The following ASAP1 variants were observed in gnomAD, a reference collection of about 807,000 sequenced individuals.
The protein encoded by ASAP1 is arf-GAP with SH3 domain, ANK repeat and PH domain-containing protein 1.
Under a neutral mutation model 145.2 loss-of-function variants are expected in ASAP1, and 43 were observed. The observed-to-expected ratio is 0.30, with a 90% CI of 0.23 to 0.38. The LOEUF (loss-of-function observed/expected upper bound fraction) is 0.38. ASAP1 is among the 10% of genes least tolerant of loss of function. The pLI, the probability that ASAP1 is intolerant of heterozygous loss-of-function variation, is 1.00. For synonymous variants in ASAP1, 546 were observed against 515.5 expected (o/e 1.06, Z -0.80); for missense variants, 1,018 against 1,355.3 (o/e 0.75, Z 3.91).
At chr8:130,245,517 A>G (rs1198320849) in intron 3 of ASAP1, among the ~76,000 whole-genome samples, 1 of 152,142 alleles carries the variant, frequency 6.6e-6, no homozygotes, top group Non-Finnish European at 1.5e-5. Context: ...TTCGACCAAT[A>G]TCTCCTAAAC....
chr8:130,407,796 G>C (rs1295328632), intron 1 of ASAP1, among the ~76,000 whole-genome samples: 1 of 152,126 alleles, frequency 6.6e-6, no homozygotes, highest in East Asian at 1.9e-4. Context: ...TCCTCAAATA[G>C]GTGTTTTTTA....
At chr8:130,389,053 A>G (rs1828153042) in intron 2 of ASAP1, among the ~76,000 whole-genome samples, 1 of 152,224 alleles carries the variant, frequency 6.6e-6, no homozygotes, top group African/African-American at 2.4e-5. Flanking sequence ...GAGTTAATAA[A>G]CAGCAAGTGC....
At chr8:130,208,067 G>A (rs1816337635) in intron 5 of ASAP1, among the ~76,000 whole-genome samples, 1 of 152,032 alleles carries the variant, frequency 6.6e-6, no homozygotes, top group Non-Finnish European at 1.5e-5. Flanking sequence ...TAATTTGATA[G>A]GTTATACTTT....
intron 4 of ASAP1, among the ~76,000 whole-genome samples, chr8:130,217,343 C>G (rs1449883348): frequency 6.6e-6 from 1 of 151,748 alleles, no homozygotes; most frequent in Non-Finnish European, 1.5e-5. Flanking sequence ...AAAGGCTTTA[C>G]AATAAATTAC....
At chr8:130,417,671 T>C (rs1218577488) in intron 1 of ASAP1, among the ~76,000 whole-genome samples, 1 of 150,226 alleles carries the variant, frequency 6.7e-6, no homozygotes, top group African/African-American at 2.5e-5. Flanking sequence ...AACTGACAAG[T>C]CCAGGAAGGA....
At chr8:130,329,641 C>CTTCAGG (rs2137771850) in intron 3 of ASAP1, among the ~76,000 whole-genome samples, 1 of 152,302 alleles carries the variant, frequency 6.6e-6, no homozygotes, top group Admixed American at 6.5e-5. Context: ...CAACTAAACA[C>CTTCAGG]TTCAGGTATT....
At chr8:130,342,422 C>T (rs1472339402) in intron 3 of ASAP1, among the ~76,000 whole-genome samples, 1 of 152,164 alleles carries the variant, frequency 6.6e-6, no homozygotes, top group African/African-American at 2.4e-5. Context: ...GCATGAAACC[C>T]AGCACATTCT....
At chr8:130,110,176 C>T (rs916744015) in intron 24 of ASAP1, among the ~76,000 whole-genome samples, 1 of 152,120 alleles carries the variant, frequency 6.6e-6, no homozygotes, top group African/African-American at 2.4e-5. Flanking sequence ...CTGTTGTCCC[C>T]CTTGAGATAA....
At chr8:130,098,880 T>C (rs1415831003) in intron 24 of ASAP1, among the ~76,000 whole-genome samples, 1 of 152,114 alleles carries the variant, frequency 6.6e-6, no homozygotes, top group Non-Finnish European at 1.5e-5. Flanking sequence ...CACAGGAACT[T>C]ATCCTTCCCA....
At chr8:130,215,472 G>A (rs879558415) in intron 4 of ASAP1, among the ~76,000 whole-genome samples, 10 of 151,842 alleles carry the variant, frequency 6.6e-5, no homozygotes, top group East Asian at 2.0e-4. Flanking sequence ...GGCCGGGAGC[G>A]GTGGCTCACG....
intron 4 of ASAP1, among the ~76,000 whole-genome samples, chr8:130,218,775 A>G (rs1315057015): frequency 6.6e-6 from 1 of 152,138 alleles, no homozygotes; most frequent in Non-Finnish European, 1.5e-5. Flanking sequence ...AGAAGACTAG[A>G]TAAGTATAGG....
chr8:130,324,587 A>C (rs1824210017), intron 3 of ASAP1, among the ~76,000 whole-genome samples: 1 of 152,206 alleles, frequency 6.6e-6, no homozygotes, highest in African/African-American at 2.4e-5. Context: ...GCAATGGATG[A>C]CTCAGATGTG....
intron 1 of ASAP1, among the ~76,000 whole-genome samples, chr8:130,442,120 T>C (rs542934263): frequency 5.7e-4 from 86 of 152,170 alleles, no homozygotes; most frequent in Non-Finnish European, 1.0e-3. Flanking sequence ...AAATATGCAG[T>C]TTGAAATAAG....
chr8:130,422,313 G>A (rs986125518), intron 1 of ASAP1, among the ~76,000 whole-genome samples: 3 of 152,220 alleles, frequency 2.0e-5, no homozygotes, highest in Admixed American at 2.0e-4. Flanking sequence ...CAGTCACCTG[G>A]TGAGGGTCCA....
intron 12 of ASAP1, among the ~76,000 whole-genome samples, chr8:130,159,557 A>G (rs1234153532): frequency 1.3e-5 from 2 of 150,700 alleles, no homozygotes; most frequent in African/African-American, 4.9e-5. Flanking sequence ...AGGAAAAAAA[A>G]AAAAAAAAAA....
At chr8:130,430,115 A>G (rs1830087472) in intron 1 of ASAP1, among the ~76,000 whole-genome samples, 1 of 152,198 alleles carries the variant, frequency 6.6e-6, no homozygotes, top group African/African-American at 2.4e-5. Context: ...ATCCTTCTGG[A>G]CCTCAAAGAC....
chr8:130,137,828 A>T (rs934618523), intron 13 of ASAP1, among the ~76,000 whole-genome samples: 2 of 152,192 alleles, frequency 1.3e-5, no homozygotes, highest in Non-Finnish European at 2.9e-5. Context: ...CACACTGGTC[A>T]AAACACTCTC....
chr8:130,218,947 A>G (rs1817111425), intron 4 of ASAP1, among the ~76,000 whole-genome samples: 1 of 152,128 alleles, frequency 6.6e-6, no homozygotes, highest in African/African-American at 2.4e-5. Context: ...ATGTGTATAT[A>G]TATAATTTCC....
chr8:130,256,336 G>C (rs905158948), intron 3 of ASAP1, among the ~76,000 whole-genome samples: 1 of 144,546 alleles, frequency 6.9e-6, no homozygotes, highest in African/African-American at 2.6e-5. Flanking sequence ...CTTGTCCCTA[G>C]CTCATACATT....
Sources: allele counts gnomAD v4.1 joint callset (sites outside exome capture counted in the v4.1 genomes callset), GRCh38; gene constraint gnomAD v4.1.1; transcripts MANE v1.5; gene names NCBI Gene and HGNC (gene_info 2026-07-23, HGNC 2026-07-21).